Variants in POLK observed in about 807,000 individuals in gnomAD.
POLK encodes polymerase (DNA directed) kappa.
POLK carries 76 observed loss-of-function variants against 94.0 expected under a neutral mutation model. The observed-to-expected ratio is 0.81, with a 90% confidence interval of 0.67 to 0.98. The LOEUF is 0.98. POLK is among the 50% of genes least tolerant of loss of function. POLK has a pLI of 0.00. For missense variants in POLK, 954 were observed against 1,010.1 expected (o/e 0.94, Z 0.75); for synonymous variants, 349 against 325.4 (o/e 1.07, Z -0.78).
chr5:75,572,558 C>A (rs1332136374), intron 4 of POLK, among the ~76,000 whole-genome samples: 3 of 152,146 alleles, frequency 2.0e-5, no homozygotes, highest in Admixed American at 2.0e-4. Flanking sequence ...TTTCATGTAA[C>A]ATAACTCACT....
chr5:75,591,268 A>G (rs565619320), intron 11 of POLK, among the ~76,000 whole-genome samples: 3 of 152,294 alleles, frequency 2.0e-5, no homozygotes, highest in Admixed American at 6.5e-5. Flanking sequence ...ACATGTGATA[A>G]TTTACTATGT....
intron 7 of POLK, chr5:75,582,696 C>G (rs1772253563): frequency 6.6e-6 from 1 of 152,294 alleles, no homozygotes; most frequent in South Asian, 2.1e-4. Flanking sequence ...GCCTGTAATC[C>G]CAGCACTTTG....
intron 1 of POLK, among the ~76,000 whole-genome samples, chr5:75,521,298 T>G (rs1768573753): frequency 6.6e-6 from 1 of 152,152 alleles, no homozygotes; most frequent in African/African-American, 2.4e-5. Context: ...TATTATTTTT[T>G]TTCCTCATCT....
chr5:75,569,480 A>C, exon 4 of POLK: 1 of 1,612,050 alleles, frequency 6.2e-7, no homozygotes, highest in Non-Finnish European at 8.5e-7. Context: ...CTGTAGGATC[A>C]ATGAGTATGC....
chr5:75,552,373 TTC>T lies in POLK; in HGVS notation c.136-97_136-96del, dbSNP rs5744605. 6.9e-4 allele frequency: 749 copies of T among 1,089,164 alleles called. 3 individuals are homozygous for T. The South Asian group carries it at 9.5e-3, about 14-fold the overall frequency. The allele number at this position is 1,089,164 out of a possible 1,614,324, so 67.5% of individuals were successfully genotyped here. A position where few individuals can be genotyped will look rare whatever the true frequency, so the allele number is the denominator to read the frequency against. ...GTAGAGCTAAGTTTTAAATTTAATC[TTC>T]TGTTTCCTGAGTATGTGCTCTTAGC... On this transcript the variant is annotated intron_variant, in intron 2 of 14. Transcript: ENST00000241436.
chr5:75,598,958 T>G (rs1481882279), exon 15 of POLK: 1 of 152,096 alleles, frequency 6.6e-6, no homozygotes, highest in Non-Finnish European at 1.5e-5. Flanking sequence ...AATAATTAGT[T>G]AGGCCAGGCA....
At chr5:75,596,155 G>A (rs1175178149) in intron 12 of POLK, 67 bp from the exon 13 acceptor site, 14 of 861,466 alleles carry the variant, frequency 1.6e-5, no homozygotes, top group Non-Finnish European at 2.6e-5. Flanking sequence ...TAGACAAAAT[G>A]TTTTTATGCA....
chr5:75,602,509 A>C (rs1328865340), downstream of POLK, among the ~76,000 whole-genome samples: 1 of 152,048 alleles, frequency 6.6e-6, no homozygotes, highest in African/African-American at 2.4e-5. Context: ...TGAGGCTGCT[A>C]GGTTAACCCT....
chr5:75,579,461 C>T (rs111420008), intron 6 of POLK, among the ~76,000 whole-genome samples: 1 of 151,952 alleles, frequency 6.6e-6, no homozygotes, highest in African/African-American at 2.4e-5. Flanking sequence ...CCTCTGCCTC[C>T]TGGGTTGAAG....
chr5:75,549,210 T>C (rs1393994211), intron 2 of POLK, among the ~76,000 whole-genome samples: 3 of 152,254 alleles, frequency 2.0e-5, no homozygotes, highest in African/African-American at 7.2e-5. Flanking sequence ...AATCTAGTTC[T>C]TAGGTTAAGA....
At chr5:75,566,214 C>T (rs1436214172) in intron 3 of POLK, among the ~76,000 whole-genome samples, 1 of 152,226 alleles carries the variant, frequency 6.6e-6, no homozygotes, top group Non-Finnish European at 1.5e-5. Flanking sequence ...ACGCACCTCC[C>T]TTCACCAAGC....
At chr5:75,511,782 G>A (rs778072737) in exon 1 of POLK, 10 of 1,551,406 alleles carry the variant, frequency 6.4e-6, no homozygotes, top group East Asian at 4.9e-5. Context: ...GGGTGACGAC[G>A]GGTAGAAAAG....
Position 75,534,123 on chromosome 5 carries a change from G to A in POLK, c.-13-12887G>A, listed in dbSNP as rs572832746. Among the ~76,000 whole-genome samples, 5 of 152,170 alleles carry A rather than the reference G, an allele frequency of 3.3e-5. No individual in the cohort carries two copies. In the South Asian group the frequency reaches 6.2e-4, roughly 19 times the overall value. The stretch of plus-strand genomic sequence containing the variant: ...TCTACTAAAAATACAAAAATTAGCT[G>A]GGCATGGTGGTGCATGCCTGTAGTC... On this transcript the variant is annotated intron_variant, in intron 1 of 14. Coordinates refer to ENST00000241436, the Ensembl canonical transcript of POLK.
chr5:75,584,124 C>T (rs1426255993), intron 8 of POLK, among the ~76,000 whole-genome samples: 1 of 152,104 alleles, frequency 6.6e-6, no homozygotes, highest in East Asian at 1.9e-4. Context: ...TAGATATTCC[C>T]TTTAAAAAGG....
At chr5:75,583,300 C>T (rs995983032) in exon 8 of POLK, 3 of 1,587,500 alleles carry the variant, frequency 1.9e-6, no homozygotes, top group Middle Eastern at 1.7e-4. Context: ...AAGGCATTGC[C>T]CCAAATACAA....
Position 75,596,106 on chromosome 5 carries a change from A to T in POLK, c.1529-116A>T, listed in dbSNP as rs1773067376. On this transcript the variant is annotated intron_variant, in intron 12 of 14. Transcript: ENST00000241436. ...ATACCAGCTTTGAAATGTTACTTATAGTTTCTCTCTAGCCAACCTTTTGTA... is the reference window on the plus strand; with the variant it reads ...ATACCAGCTTTGAAATGTTACTTATTGTTTCTCTCTAGCCAACCTTTTGTA... 1.7e-5 allele frequency: 11 copies of T among 635,282 alleles called. 1 individual carries two copies. In the South Asian group the frequency reaches 2.4e-4, roughly 14 times the overall value. The allele number at this position is 635,282 out of a possible 1,614,324, so 39.4% of individuals were successfully genotyped here.
chr5:75,537,879 C>T (rs565965810), intron 1 of POLK, among the ~76,000 whole-genome samples: 4 of 151,006 alleles, frequency 2.6e-5, no homozygotes, highest in South Asian at 2.1e-4. Context: ...TTTTTTGAGA[C>T]GGAGTCTTGC....
chr5:75,561,175 GT>G (rs1287406986), intron 3 of POLK, among the ~76,000 whole-genome samples: 1 of 152,148 alleles, frequency 6.6e-6, no homozygotes, highest in African/African-American at 2.4e-5. Context: ...TCCAGCATCT[GT>G]TGTTTCCTGA....
chr5:75,609,129 G>T, the POLK span: 1 of 152,222 alleles, frequency 6.6e-6, no homozygotes, highest in South Asian at 2.1e-4. Flanking sequence ...AGCATAAAAT[G>T]ATGATGCATT....
Sources: gnomAD v4.1 joint callset for allele counts (sites outside exome capture counted in the v4.1 genomes callset) on GRCh38, gnomAD v4.1.1 for gene constraint, MANE v1.5 for transcripts, NCBI Gene and HGNC (gene_info 2026-07-23, HGNC 2026-07-21) for gene names.